Variants in IFT122 observed in about 807,000 individuals in gnomAD.
The protein encoded by IFT122 is intraflagellar transport protein 122 homolog.
IFT122 carries 118 observed loss-of-function variants against 161.6 expected under a neutral mutation model. The observed-to-expected ratio is 0.73, with a 90% CI of 0.63 to 0.85. The LOEUF is 0.85. IFT122 is among the 40% of genes least tolerant of loss of function. The pLI, the probability that IFT122 is intolerant of heterozygous loss-of-function variation, is 0.00. For synonymous variants in IFT122, 550 were observed against 602.4 expected (o/e 0.91, Z 1.27); for missense variants, 1,381 against 1,579.6 (o/e 0.87, Z 2.13).
chr3:129,478,955 G>A lies in IFT122; in HGVS notation c.1350+737G>A, dbSNP rs538339242. On this transcript the variant is annotated intron_variant, in intron 12 of 29. Transcript: ENST00000348417. ...AGAAAAATATTTCTCAAGATTCTTA[G>A]AGAGTGTCTAAGTCAATGCCAAGAG... is the stretch of plus-strand genomic sequence containing the variant. 8.5e-5 allele frequency among the ~76,000 whole-genome samples: 13 copies of A among 152,210 alleles called. 1 individual carries two copies. In the South Asian group the frequency reaches 2.7e-3, roughly 32 times the overall value.
chr3:129,442,261 T>C (rs2073299097), intron 1 of IFT122, among the ~76,000 whole-genome samples: 1 of 152,186 alleles, frequency 6.6e-6, no homozygotes, highest in South Asian at 2.1e-4. Flanking sequence ...ATCTGTTTAA[T>C]TCAGAAGTCT....
intron 21 of IFT122, among the ~76,000 whole-genome samples, chr3:129,505,788 T>C (rs1238888990): frequency 6.6e-6 from 1 of 152,172 alleles, no homozygotes; most frequent in Admixed American, 6.5e-5. Flanking sequence ...TCACAAATGG[T>C]TGTGATAACT....
Position 129,513,960 on chromosome 3 carries a change from C to A in IFT122, c.2988-429C>A, listed in dbSNP as rs1388361411. The stretch of plus-strand genomic sequence containing the variant: ...AGACAGAGTGGGGTACACCCAGGGG[C>A]CTCAGAGCAGGGTTGAGGGTGGCTC... On this transcript the variant is annotated intron_variant, in intron 24 of 29. Coordinates refer to ENST00000348417, the MANE Select transcript of IFT122 (RefSeq NM_052989.3). 8.6e-6 allele frequency: 3 copies of A among 349,844 alleles called. No homozygotes were observed. In the East Asian group the frequency reaches 2.3e-4, roughly 27 times the overall value. The allele number at this position is 349,844 out of a possible 1,614,324, so 21.7% of individuals were successfully genotyped here.
chr3:129,507,193 A>G lies in IFT122; in HGVS notation c.2792-475A>G, dbSNP rs187539316. On this transcript the variant is annotated intron_variant, in intron 22 of 29. Coordinates refer to ENST00000348417, the MANE Select transcript of IFT122 (RefSeq NM_052989.3). The stretch of plus-strand genomic sequence containing the variant: ...GGGAGCCTCACAGAGTCATGCTTAC[A>G]GTTTGAAAATTGTCAAGCCTAGGTG... 2.0e-3 allele frequency among the ~76,000 whole-genome samples: 304 copies of G among 152,296 alleles called. 1 individual carries two copies. The highest frequency in any genetic ancestry group is 6.3e-3 in the African/African-American group (261 of 41,546).
intron 8 of IFT122, among the ~76,000 whole-genome samples, chr3:129,468,873 T>G (rs932258352): frequency 6.6e-6 from 1 of 152,238 alleles, no homozygotes; most frequent in African/African-American, 2.4e-5. Flanking sequence ...AGAACCTATT[T>G]TTAGGTGTTA....
Position 129,483,413 on chromosome 3 carries a change from G to C in IFT122, c.1654-72G>C, listed in dbSNP as rs371561455. On this transcript the variant is annotated intron_variant, in intron 14 of 29. Transcript: ENST00000348417. Reference sequence around the variant, plus strand: ...GGGATTCAGTCTTTAAGAGGGTATTGGGCTGAAATGTGTGAGCGCTGACCA... The same window carrying C: ...GGGATTCAGTCTTTAAGAGGGTATTCGGCTGAAATGTGTGAGCGCTGACCA... 4 of 1,278,798 alleles carry C rather than the reference G, an allele frequency of 3.1e-6. 1 individual carries two copies. In the South Asian group the frequency reaches 3.6e-5, roughly 11 times the overall value. The allele number at this position is 1,278,798 out of a possible 1,614,324, so 79.2% of individuals were successfully genotyped here.
intron 28 of IFT122, among the ~76,000 whole-genome samples, 184 bp from the exon 29 acceptor site, chr3:129,519,384 G>A (rs1458433711): frequency 6.6e-6 from 1 of 152,230 alleles, no homozygotes; most frequent in Non-Finnish European, 1.5e-5. Flanking sequence ...GGCCAAGGGC[G>A]CAGGTCTGTG....
chr3:129,504,143 C>A, intron 20 of IFT122, 176 bp from the exon 21 acceptor site: 100 of 560,126 alleles, frequency 1.8e-4, no homozygotes, highest in East Asian at 2.2e-4. Context: ...CTTTTGTTTT[C>A]GAAGAGCTGA....
intron 13 of IFT122, among the ~76,000 whole-genome samples, chr3:129,480,586 A>T (rs981623407): frequency 3.3e-5 from 5 of 152,126 alleles, no homozygotes; most frequent in Non-Finnish European, 5.9e-5. Context: ...TTTGCTGGGG[A>T]TGGAAGTCAC....
At chr3:129,460,893 A>G (rs757965239) in intron 4 of IFT122, 2 of 1,613,934 alleles carry the variant, frequency 1.2e-6, no homozygotes, top group African/African-American at 2.7e-5. Flanking sequence ...TCCATCTTCC[A>G]TTTCTGGGCC....
Position 129,461,368 on chromosome 3 carries a change from A to G in IFT122, c.349+64A>G, listed in dbSNP as rs573960492. On this transcript the variant is annotated intron_variant, in intron 5 of 29. Coordinates refer to ENST00000348417, the MANE Select transcript of IFT122 (RefSeq NM_052989.3). Reference sequence around the variant, plus strand: ...GAAAATCTGGGCTAAAAATGCTAAAATGCATTCAGAATATGGTGATTTTAT... The same window carrying G: ...GAAAATCTGGGCTAAAAATGCTAAAGTGCATTCAGAATATGGTGATTTTAT... The G allele has an allele frequency of 2.6e-6, 3 of 1,151,892 alleles. No homozygotes were observed. The African/African-American group carries it at 4.6e-5, about 17-fold the overall frequency. 71.4% of individuals were successfully genotyped at this position (1,151,892 alleles called of 1,614,324 possible).
chr3:129,503,159 C>T (rs999839189), intron 20 of IFT122, among the ~76,000 whole-genome samples: 1 of 152,202 alleles, frequency 6.6e-6, no homozygotes, highest in Non-Finnish European at 1.5e-5. Context: ...TTAGTGTGAA[C>T]ACGACAGCTC....
chr3:129,517,439 C>T (rs890008919), intron 26 of IFT122, 30 bp from the exon 27 acceptor site: 2 of 1,611,682 alleles, frequency 1.2e-6, no homozygotes, highest in Non-Finnish European at 1.7e-6. Context: ...AGGCCTCCAG[C>T]CCCCTCAGCC....
chr3:129,502,616 A>G, intron 19 of IFT122, 95 bp from the exon 20 acceptor site: 1 of 1,384,398 alleles, frequency 7.2e-7, no homozygotes, highest in Non-Finnish European at 1.0e-6. Flanking sequence ...GCCATGGCAT[A>G]GTATCAACAC....
chr3:129,498,978 G>A (rs2081218213), intron 18 of IFT122, among the ~76,000 whole-genome samples: 1 of 152,186 alleles, frequency 6.6e-6, no homozygotes, highest in African/African-American at 2.4e-5. Context: ...CACATTGTAG[G>A]GCCAGCCCAG....
At chr3:129,444,673 C>T (rs549062045) in intron 1 of IFT122, among the ~76,000 whole-genome samples, 59 of 152,218 alleles carry the variant, frequency 3.9e-4, no homozygotes, top group Non-Finnish European at 6.8e-4. Flanking sequence ...AGGTGTGCAC[C>T]ACCACGCCCA....
chr3:129,444,582 C>T (rs1213827816), intron 1 of IFT122, among the ~76,000 whole-genome samples: 1 of 151,592 alleles, frequency 6.6e-6, no homozygotes, highest in Non-Finnish European at 1.5e-5. Flanking sequence ...AGTGCAGTGG[C>T]GCAATCTCGG....
intron 13 of IFT122, 35 bp downstream of exon 13, chr3:129,479,957 A>G (rs1318162180): frequency 6.2e-7 from 1 of 1,613,098 alleles, no homozygotes; most frequent in African/African-American, 1.3e-5. Context: ...TCAGGCTGAT[A>G]ATCTGCATGC....
rs369489464 is a variant in IFT122, at chr3:129,505,617, C to T, written c.2651-792C>T. Among the ~76,000 whole-genome samples, 11 of 152,156 alleles carry T rather than the reference C, an allele frequency of 7.2e-5. No individual in the cohort carries two copies. The East Asian group carries it at 2.1e-3, about 29-fold the overall frequency. Reference sequence around the variant, plus strand: ...GCCAGACCTTCTCCTTCTCTGAAGGCGGAGGATTAGGATCATTTGAGTGCT... The same window carrying T: ...GCCAGACCTTCTCCTTCTCTGAAGGTGGAGGATTAGGATCATTTGAGTGCT... On this transcript the variant is annotated intron_variant, in intron 21 of 29. Coordinates refer to ENST00000348417, the MANE Select transcript of IFT122 (RefSeq NM_052989.3).
Sources: gnomAD v4.1 joint callset for allele counts (sites outside exome capture counted in the v4.1 genomes callset) on GRCh38, gnomAD v4.1.1 for gene constraint, MANE v1.5 for transcripts, NCBI Gene and HGNC (gene_info 2026-07-23, HGNC 2026-07-21) for gene names.